TMEM135: variants seen among roughly 807,000 people sequenced by gnomAD.
The protein encoded by TMEM135 is peroxisomal membrane protein 52.
Under a neutral mutation model 60.3 loss-of-function variants are expected in TMEM135, and 30 were observed. That is an observed-to-expected ratio of 0.50 (90% CI 0.37 to 0.68). The LOEUF (loss-of-function observed/expected upper bound fraction) is 0.68. Among genes scored for constraint, TMEM135 ranks in the 30% least tolerant of loss-of-function variants. The pLI is 0.00. For missense variants in TMEM135, 468 were observed against 548.8 expected (o/e 0.85, Z 1.47); for synonymous variants, 190 against 186.7 (o/e 1.02, Z -0.14).
chr11:87,157,574 T>A, intron 5 of TMEM135, 168 bp downstream of exon 5: 1 of 574,620 alleles, frequency 1.7e-6, no homozygotes, highest in Non-Finnish European at 3.1e-6. Flanking sequence ...TTCATAGTCA[T>A]GTTGGAACCA....
chr11:87,107,023 G>A (rs552163543), intron 4 of TMEM135, among the ~76,000 whole-genome samples: 13 of 152,220 alleles, frequency 8.5e-5, no homozygotes, highest in African/African-American at 2.9e-4. Flanking sequence ...TCGCTATCAC[G>A]AAGACAGCAC....
chr11:87,044,914 T>C (rs1949781623), intron 1 of TMEM135, among the ~76,000 whole-genome samples: 1 of 152,074 alleles, frequency 6.6e-6, no homozygotes, highest in African/African-American at 2.4e-5. Context: ...CCCAAAGTGC[T>C]GGGATTACAG....
intron 14 of TMEM135, among the ~76,000 whole-genome samples, chr11:87,320,347 A>C (rs1484437961): frequency 2.6e-5 from 4 of 152,170 alleles, no homozygotes; most frequent in African/African-American, 9.6e-5. Flanking sequence ...TATCCATGTC[A>C]CTGTAGATCC....
chr11:87,263,742 G>C (rs1197990322), intron 6 of TMEM135, among the ~76,000 whole-genome samples: 1 of 152,008 alleles, frequency 6.6e-6, no homozygotes, highest in East Asian at 1.9e-4. Context: ...TTCTGGTGAA[G>C]AAAATGAACG....
At position 87,302,319 on chromosome 11, in the gene TMEM135, T is replaced by C; in HGVS notation, c.575T>C (p.Ile192Thr). The change falls in exon 8 of 15, where the codon ATT (isoleucine) becomes ACT (threonine). Residue 192 changes from isoleucine (I) to threonine (T), a missense_variant. Ile to Thr is a moderately conservative substitution (Grantham distance 89). Transcript: ENST00000305494. Reference sequence around the variant, plus strand: ...AGGTTCATTGTAGGGAAGGAAGAAATTCCCACACATTCTTTTTCACCAGAG... The same window carrying C: ...AGGTTCATTGTAGGGAAGGAAGAAACTCCCACACATTCTTTTTCACCAGAG... ...ALRFIVGKEE[I>T]PTHSFSPEAA... The C allele has an allele frequency of 6.2e-7, 1 of 1,613,660 alleles. No individual in the cohort carries two copies. The highest frequency in any genetic ancestry group is 8.5e-7 in the Non-Finnish European group (1 of 1,179,870).
intron 4 of TMEM135, among the ~76,000 whole-genome samples, chr11:87,122,437 A>ATTTT (rs765586434): frequency 0.022 from 3,154 of 144,918 alleles, 36 homozygotes; most frequent in South Asian, 0.031. Context: ...TTTAGTTTTT[A>ATTTT]TATTTATTTA....
At chr11:87,177,353 T>TC (rs2135297970) in intron 5 of TMEM135, among the ~76,000 whole-genome samples, 1 of 152,304 alleles carries the variant, frequency 6.6e-6, no homozygotes, top group African/African-American at 2.4e-5. Context: ...TGTTATTTTT[T>TC]CACTGACTGT....
intron 5 of TMEM135, among the ~76,000 whole-genome samples, chr11:87,203,800 G>A (rs1374416564): frequency 1.3e-5 from 2 of 152,122 alleles, no homozygotes; most frequent in Admixed American, 1.3e-4. Context: ...TTCCAAAGTG[G>A]CTGTACCATT....
At chr11:87,210,979 A>G (rs1235512064) in intron 5 of TMEM135, among the ~76,000 whole-genome samples, 1 of 152,226 alleles carries the variant, frequency 6.6e-6, no homozygotes, top group Non-Finnish European at 1.5e-5. Flanking sequence ...CAAATTAGGC[A>G]TTGAAATAAT....
At chr11:87,308,922 C>T (rs1942595687) in intron 9 of TMEM135, among the ~76,000 whole-genome samples, 1 of 152,124 alleles carries the variant, frequency 6.6e-6, no homozygotes, top group Non-Finnish European at 1.5e-5. Flanking sequence ...CTACTCCTCC[C>T]TAGAGATGTT....
At chr11:87,244,890 T>C (rs1417641482) in intron 6 of TMEM135, among the ~76,000 whole-genome samples, 7 of 151,170 alleles carry the variant, frequency 4.6e-5, no homozygotes, top group Non-Finnish European at 8.9e-5. Context: ...TGCCTTCTGC[T>C]AGCTTTTGAA....
chr11:87,241,403 G>T (rs1222783114), intron 6 of TMEM135, among the ~76,000 whole-genome samples: 1 of 151,840 alleles, frequency 6.6e-6, no homozygotes, highest in Middle Eastern at 3.2e-3. Flanking sequence ...TATACTTACA[G>T]GGTCCATGAG....
intron 1 of TMEM135, among the ~76,000 whole-genome samples, chr11:87,039,519 T>C (rs1949732996): frequency 1.3e-5 from 2 of 152,360 alleles, no homozygotes; most frequent in South Asian, 2.1e-4. Flanking sequence ...CAAAGATTCA[T>C]GTTTATCTGC....
At chr11:87,185,982 C>G (rs1354969332) in intron 5 of TMEM135, among the ~76,000 whole-genome samples, 12 of 149,302 alleles carry the variant, frequency 8.0e-5, no homozygotes, top group Non-Finnish European at 1.5e-4. Flanking sequence ...TCTTGGCTCA[C>G]TGCAACATTT....
At chr11:87,285,318 T>C (rs1942143618) in intron 6 of TMEM135, among the ~76,000 whole-genome samples, 1 of 152,166 alleles carries the variant, frequency 6.6e-6, no homozygotes, top group Non-Finnish European at 1.5e-5. Flanking sequence ...TGTCTGAAAT[T>C]GGTGGGTTCT....
At chr11:87,119,183 A>G (rs1210132448) in intron 4 of TMEM135, among the ~76,000 whole-genome samples, 1 of 152,186 alleles carries the variant, frequency 6.6e-6, no homozygotes, top group Admixed American at 6.5e-5. Context: ...AGTGAAAGAC[A>G]TACATCTCTT....
In TMEM135 at chr11:87,087,544, T is replaced by G. The variant is rs140544523; in HGVS notation, c.363-3818T>G. Among the ~76,000 whole-genome samples the G allele has an allele frequency of 5.9e-5, 9 of 152,312 alleles. No homozygotes were observed. The East Asian group carries it at 1.7e-3, about 29-fold the overall frequency. On this transcript the variant is annotated intron_variant, in intron 3 of 14. Transcript: ENST00000305494. Reference sequence around the variant, plus strand: ...TTTAATGAGAAGTGTATGATAAGTTTTGAAACTTACTTCTTTCTCTCCAGT... The same window carrying G: ...TTTAATGAGAAGTGTATGATAAGTTGTGAAACTTACTTCTTTCTCTCCAGT...
intron 6 of TMEM135, among the ~76,000 whole-genome samples, chr11:87,241,442 C>T (rs470828): frequency 0.66 from 100,083 of 151,800 alleles, 33,564 homozygotes; most frequent in Non-Finnish European, 0.71. Flanking sequence ...ACAGTGCATA[C>T]CTAACTGTCA....
intron 4 of TMEM135, among the ~76,000 whole-genome samples, chr11:87,111,707 T>G (rs547950191): frequency 6.6e-6 from 1 of 151,166 alleles, no homozygotes; most frequent in Non-Finnish European, 1.5e-5. Context: ...ACCTGAATGC[T>G]TTGTATTCAG....
Sources: allele counts gnomAD v4.1 joint callset (sites outside exome capture counted in the v4.1 genomes callset), GRCh38; gene constraint gnomAD v4.1.1; transcripts MANE v1.5; gene names NCBI Gene and HGNC (gene_info 2026-07-23, HGNC 2026-07-21).